TBC1D1: variants seen among roughly 807,000 people sequenced by gnomAD.
The protein encoded by TBC1D1 is TBC1 (tre-2/USP6, BUB2, cdc16) domain family, member 1.
A neutral mutation model predicts 125.6 loss-of-function variants in TBC1D1; 89 were observed. The observed-to-expected ratio is 0.71, with a 90% CI of 0.60 to 0.85. The LOEUF (loss-of-function observed/expected upper bound fraction) is 0.85. Among genes scored for constraint, TBC1D1 ranks in the 40% least tolerant of loss-of-function variants. The pLI, the probability that TBC1D1 is intolerant of heterozygous loss-of-function variation, is 0.00. For missense variants in TBC1D1, 1,377 were observed against 1,469.2 expected (o/e 0.94, Z 1.03); for synonymous variants, 565 against 564.1 (o/e 1.00, Z -0.02).
chr4:38,056,809 CG>C (rs199778323), intron 12 of TBC1D1, among the ~76,000 whole-genome samples: 1 of 149,574 alleles, frequency 6.7e-6, no homozygotes, highest in African/African-American at 2.5e-5. Context: ...CCTTGTCTCG[CG>C]GGGTGGGGGA....
At chr4:38,073,305 G>T (rs1578555388) in intron 12 of TBC1D1, among the ~76,000 whole-genome samples, 1 of 152,298 alleles carries the variant, frequency 6.6e-6, no homozygotes, top group South Asian at 2.1e-4. Context: ...AGATTTTCTG[G>T]ATCAATCTTC....
intron 2 of TBC1D1, among the ~76,000 whole-genome samples, chr4:38,011,660 T>C (rs550348720): frequency 2.6e-5 from 4 of 152,348 alleles, no homozygotes; most frequent in African/African-American, 9.6e-5. Flanking sequence ...GGGCACACCT[T>C]ACCCTGAGCA....
intron 1 of TBC1D1, among the ~76,000 whole-genome samples, chr4:37,901,242 T>C (rs1181329399): frequency 6.6e-6 from 1 of 151,428 alleles, no homozygotes; most frequent in Non-Finnish European, 1.5e-5. Context: ...CTGCAGCCTC[T>C]GCCTCCTGGA....
chr4:37,900,731 A>G (rs188252568), intron 1 of TBC1D1, among the ~76,000 whole-genome samples: 1 of 152,294 alleles, frequency 6.6e-6, no homozygotes, highest in Admixed American at 6.5e-5. Context: ...GGGTTTTGTC[A>G]TCCAATAGGA....
intron 2 of TBC1D1, among the ~76,000 whole-genome samples, chr4:37,936,009 C>T (rs1724314532): frequency 6.6e-6 from 1 of 152,172 alleles, no homozygotes; most frequent in Non-Finnish European, 1.5e-5. Flanking sequence ...CCTTCTCTGG[C>T]CCTTCCTAAA....
chr4:38,136,926 G>A (rs1010720608), intron 19 of TBC1D1, among the ~76,000 whole-genome samples: 7 of 152,084 alleles, frequency 4.6e-5, no homozygotes, highest in Non-Finnish European at 8.8e-5. Flanking sequence ...AATGCTGGGG[G>A]CTCTCAGGGT....
Position 38,096,109 on chromosome 4 carries a change from C to T in TBC1D1, c.2398+19C>T, listed in dbSNP as rs1358111672. The T allele has an allele frequency of 3.1e-6, 5 of 1,605,362 alleles. No homozygotes were observed. Among genetic ancestry groups the T allele is most frequent in the Non-Finnish European group, 4.3e-6 (5 of 1,174,960 alleles). On this transcript the variant is annotated intron_variant, in intron 14 of 19. Transcript: ENST00000261439. ...GGGCAAGGTAAGCTTCATTGGGAAG[C>T]ATCTAGTCAACCTCACCCCTCATTG... is the stretch of plus-strand genomic sequence containing the variant.
chr4:38,090,728 T>C (rs1020682081), intron 13 of TBC1D1, among the ~76,000 whole-genome samples: 10 of 152,228 alleles, frequency 6.6e-5, no homozygotes, highest in African/African-American at 2.2e-4. Context: ...AAAGTTTACA[T>C]ACTCTTTGGA....
intron 8 of TBC1D1, among the ~76,000 whole-genome samples, chr4:38,039,043 AT>A (rs34192878): frequency 8.0e-6 from 1 of 124,462 alleles, no homozygotes; most frequent in Non-Finnish European, 1.7e-5. Flanking sequence ...CACTGTTTTG[AT>A]TTTTTTCACC....
intron 10 of TBC1D1, among the ~76,000 whole-genome samples, chr4:38,047,955 G>T (rs2152475624): frequency 6.6e-6 from 1 of 152,268 alleles, no homozygotes; most frequent in East Asian, 1.9e-4. Flanking sequence ...CCAAAAGGCA[G>T]ATCTAGGAAT....
rs1750102154 is a variant in TBC1D1, at chr4:38,049,613, C to T, written c.1630-5C>T. The T allele has an allele frequency of 3.1e-6, 5 of 1,600,008 alleles. No individual in the cohort carries two copies. The highest frequency in any genetic ancestry group is 1.3e-5 in the African/African-American group (1 of 74,390). Reference sequence around the variant, plus strand: ...GTGTCTGATCTGCTGTGTGTTTGCTCCCAGGAGCCATCTGTGTGTGAAAAG... The same window carrying T: ...GTGTCTGATCTGCTGTGTGTTTGCTTCCAGGAGCCATCTGTGTGTGAAAAG... On this transcript the variant is annotated splice_region_variant and splice_polypyrimidine_tract_variant and intron_variant, in intron 10 of 19. Transcript: ENST00000261439.
At chr4:38,046,046 A>G in intron 10 of TBC1D1, 143 bp downstream of exon 10, 2 of 695,888 alleles carry the variant, frequency 2.9e-6, no homozygotes, top group Non-Finnish European at 5.0e-6. Flanking sequence ...ATGCAGTTCT[A>G]TCATAACATA....
intron 4 of TBC1D1, 27 bp from the exon 5 acceptor site, chr4:38,020,564 G>A (rs766695419): frequency 8.2e-6 from 13 of 1,591,834 alleles, no homozygotes; most frequent in Admixed American, 1.7e-5. Context: ...GGATACAACT[G>A]AACATCTCGT....
At chr4:37,926,900 T>G (rs1252462088) in intron 2 of TBC1D1, among the ~76,000 whole-genome samples, 3 of 152,174 alleles carry the variant, frequency 2.0e-5, no homozygotes, top group Non-Finnish European at 4.4e-5. Flanking sequence ...GTGGATTGCT[T>G]GAGGCCAGGA....
intron 19 of TBC1D1, 103 bp downstream of exon 21, chr4:38,133,360 C>A: frequency 1.0e-6 from 1 of 993,798 alleles, no homozygotes. Context: ...ACCAGAGGAC[C>A]TTTCCCACCC....
At position 37,902,265 on chromosome 4, in the gene TBC1D1, A is replaced by G; in HGVS notation, c.170A>G (p.Lys57Arg). ...AGACTCAGCAGGCAGTCCACCAGAA[A>G]GGAACCTGTAACCAAGCAAGTCCGG... The change falls in exon 2 of 20, where the codon AAG (lysine) becomes AGG (arginine). Residue 57 changes from lysine to arginine, a missense_variant. Physicochemically the swap from Lys to Arg is conservative, Grantham distance 26 (BLOSUM62 2). Coordinates refer to ENST00000261439, the MANE Select transcript of TBC1D1 (RefSeq NM_015173.4). The G allele has an allele frequency of 6.2e-7, 1 of 1,614,158 alleles. No homozygotes were observed. The highest frequency in any genetic ancestry group is 1.1e-5 in the South Asian group (1 of 91,086).
chr4:37,903,230 T>G (rs1252180886), intron 2 of TBC1D1, among the ~76,000 whole-genome samples: 1 of 152,206 alleles, frequency 6.6e-6, no homozygotes, highest in Non-Finnish European at 1.5e-5. Flanking sequence ...TGAGACATGG[T>G]AAAAGTTCTG....
Position 38,115,883 on chromosome 4 carries a change from A to T in TBC1D1, c.2731A>T (p.Lys911Ter). The T allele has an allele frequency of 6.2e-7, 1 of 1,614,190 alleles. No individual in the cohort carries two copies. Among genetic ancestry groups the T allele is most frequent in the Non-Finnish European group, 8.5e-7 (1 of 1,180,022 alleles). Residue 911 changes from lysine to a stop codon, truncating the protein, a stop_gained, in exon 16 of 20, where the codon AAA becomes TAA. Transcript: ENST00000261439. LOFTEE classifies it high-confidence loss of function. ...TCATATGAGTGAGGAAGAGGCGTTT[A>T]AAATGCTCAAGTTTCTGATGTTTGA... is the stretch of plus-strand genomic sequence containing the variant.
At chr4:38,066,188 T>A (rs542742200) in intron 12 of TBC1D1, among the ~76,000 whole-genome samples, 7 of 152,256 alleles carry the variant, frequency 4.6e-5, no homozygotes, top group Non-Finnish European at 8.8e-5. Flanking sequence ...TGAAGGAATG[T>A]ATCTTATGTT....
Sources: gnomAD v4.1 joint callset for allele counts (sites outside exome capture counted in the v4.1 genomes callset) on GRCh38, gnomAD v4.1.1 for gene constraint, MANE v1.5 for transcripts, NCBI Gene and HGNC (gene_info 2026-07-23, HGNC 2026-07-21) for gene names.